Variants in SCUBE1 observed in about 807,000 individuals in gnomAD.
SCUBE1 encodes signal peptide, CUB domain and EGF like domain containing 1.
A neutral mutation model predicts 124.4 loss-of-function variants in SCUBE1; 59 were observed. The ratio of observed to expected loss-of-function variants is 0.47; its 90% CI spans 0.38 to 0.59. SCUBE1 has a LOEUF of 0.59. SCUBE1 is among the 20% of genes least tolerant of loss of function. SCUBE1 has a pLI of 0.00. For synonymous variants in SCUBE1, 545 were observed against 550.9 expected, an observed-to-expected ratio of 0.99 and a Z score of 0.15; for missense variants, 1,150 against 1,371.2, an observed-to-expected ratio of 0.84 and a Z score of 2.55.
intron 2 of SCUBE1, among the ~76,000 whole-genome samples, chr22:43,325,902 C>T (rs747501305): frequency 6.0e-5 from 9 of 151,246 alleles, no homozygotes; most frequent in Admixed American, 2.0e-4. Context: ...GTGCCAGCAA[C>T]GCAGGTTTGG....
At chr22:43,268,102 G>A (rs1411544181) in intron 4 of SCUBE1, among the ~76,000 whole-genome samples, 1 of 152,222 alleles carries the variant, frequency 6.6e-6, no homozygotes, top group Non-Finnish European at 1.5e-5. Context: ...AGTGGCAGCT[G>A]CAGGCTGTGT....
chr22:43,274,678 G>A (rs1373328894), intron 4 of SCUBE1, among the ~76,000 whole-genome samples: 2 of 152,336 alleles, frequency 1.3e-5, no homozygotes, highest in East Asian at 1.9e-4. Context: ...GTGGACACAC[G>A]AACAGGAGGA....
chr22:43,325,932 G>GTT (rs771336542), intron 2 of SCUBE1, among the ~76,000 whole-genome samples: 2 of 136,454 alleles, frequency 1.5e-5, no homozygotes, highest in South Asian at 2.4e-4. Flanking sequence ...AGGGTGAGGT[G>GTT]TTTTTTTTTT....
rs990335878 is a variant in SCUBE1, at chr22:43,325,932, G to T, written c.221-5867C>A. On this transcript the variant is annotated intron_variant, in intron 2 of 21. Transcript: ENST00000360835. ...GTTTGGAACCCATATAGGGTGAGGT[G>T]TTTTTTTTTTTTTTAATCATTTAAT... Among the ~76,000 whole-genome samples, 340 of 136,460 alleles carry T rather than the reference G, an allele frequency of 2.5e-3. 1 individual carries two copies. The highest frequency in any genetic ancestry group is 8.6e-3 in the African/African-American group (320 of 37,376). 89.5% of individuals were successfully genotyped at this position (136,460 alleles called of 152,430 possible). A position where few individuals can be genotyped will look rare whatever the true frequency, so the allele number is the denominator to read the frequency against.
chr22:43,305,244 G>A (rs1477636976), intron 3 of SCUBE1, among the ~76,000 whole-genome samples: 3 of 152,208 alleles, frequency 2.0e-5, no homozygotes, highest in Non-Finnish European at 4.4e-5. Flanking sequence ...ACATGAAAAC[G>A]CTTGCTCTAT....
At chr22:43,244,744 G>C (rs1000515333) in intron 6 of SCUBE1, among the ~76,000 whole-genome samples, 1 of 152,244 alleles carries the variant, frequency 6.6e-6, no homozygotes, top group Non-Finnish European at 1.5e-5. Flanking sequence ...CCTGAACATC[G>C]CTGAGGTGCT....
Position 43,227,504 on chromosome 22 carries a change from C to G in SCUBE1, c.1085-8G>C. 6.2e-7 allele frequency: 1 copy of G among 1,610,916 alleles called. No individual in the cohort carries two copies. Among genetic ancestry groups the G allele is most frequent in the Non-Finnish European group, 8.5e-7 (1 of 1,179,446 alleles). Reference sequence around the variant, plus strand: ...TGCTGCACTCGTCCACATCTGGAAGCACAGCGGGCGTAAGGGCAGAGGGGA... The same window carrying G: ...TGCTGCACTCGTCCACATCTGGAAGGACAGCGGGCGTAAGGGCAGAGGGGA... On this transcript the variant is annotated splice_polypyrimidine_tract_variant and splice_region_variant and intron_variant, in intron 9 of 21. Transcript: ENST00000360835.
Position 43,255,700 on chromosome 22 carries a change from C to T in SCUBE1, c.727+2519G>A, listed in dbSNP as rs1031709173. On this transcript the variant is annotated intron_variant, in intron 6 of 21. Coordinates refer to ENST00000360835, the MANE Select transcript of SCUBE1 (RefSeq NM_173050.5). The surrounding 1 kb of genome is among the most constrained non-coding windows in gnomAD (Gnocchi z 4.7). The stretch of plus-strand genomic sequence containing the variant: ...AGCCAACACAACACGCCGGCCAGCT[C>T]GGCATCCTCGCCAAGGGGCTAATCC... 3.5e-5 allele frequency: 28 copies of T among 804,412 alleles called. No homozygotes were observed. Among genetic ancestry groups the T allele is most frequent in the African/African-American group, 6.8e-5 (4 of 58,950 alleles). The allele number at this position is 804,412 out of a possible 1,614,324, so 49.8% of individuals were successfully genotyped here. A position where few individuals can be genotyped will look rare whatever the true frequency, so the allele number is the denominator to read the frequency against.
At chr22:43,266,144 G>A (rs1357850011) in intron 4 of SCUBE1, among the ~76,000 whole-genome samples, 2 of 152,128 alleles carry the variant, frequency 1.3e-5, no homozygotes, top group African/African-American at 2.4e-5. Flanking sequence ...TCATATATTT[G>A]TATTAAAAGC....
At chr22:43,296,601 A>G (rs1174695909) in intron 3 of SCUBE1, among the ~76,000 whole-genome samples, 1 of 152,194 alleles carries the variant, frequency 6.6e-6, no homozygotes, top group East Asian at 1.9e-4. Flanking sequence ...CGGGGGAGGT[A>G]GAGTGGAGAG....
At chr22:43,218,117 TTCTCCCCGGCAGGC>T in intron 15 of SCUBE1, 124 bp downstream of exon 15, 1 of 777,838 alleles carries the variant, frequency 1.3e-6, no homozygotes, top group South Asian at 1.6e-5. Flanking sequence ...GCTGCAGTCC[TTCTCCCCGGCAGGC>T]CTCTGCATCT....
At chr22:43,269,902 G>T (rs1924226979) in intron 4 of SCUBE1, among the ~76,000 whole-genome samples, 1 of 152,178 alleles carries the variant, frequency 6.6e-6, no homozygotes, top group Admixed American at 6.5e-5. Flanking sequence ...TGGGAGAGAT[G>T]ATGATGACAA....
chr22:43,258,173 G>C lies in SCUBE1; in HGVS notation c.727+46C>G, dbSNP rs1381727358. On this transcript the variant is annotated intron_variant, in intron 6 of 21. Transcript: ENST00000360835. The surrounding 1 kb of genome is among the most constrained non-coding windows in gnomAD (Gnocchi z 5.0). ...CTGCTGGTGCACGCATGGGGGGTCG[G>C]GGGCGGGGGGCGCAAGGGTGGTGTG... The C allele has an allele frequency of 7.6e-7, 1 of 1,316,366 alleles. No homozygotes were observed. Among genetic ancestry groups the C allele is most frequent in the Non-Finnish European group, 1.1e-6 (1 of 917,762 alleles). The allele number at this position is 1,316,366 out of a possible 1,614,324, so 81.5% of individuals were successfully genotyped here. A position where few individuals can be genotyped will look rare whatever the true frequency, so the allele number is the denominator to read the frequency against.
At chr22:43,312,450 C>G (rs1406114362) in intron 3 of SCUBE1, among the ~76,000 whole-genome samples, 3 of 152,108 alleles carry the variant, frequency 2.0e-5, no homozygotes, top group African/African-American at 7.2e-5. Context: ...GGAAGGCTGG[C>G]CCAGTGGGCA....
At chr22:43,329,692 G>C (rs1445376317) in intron 2 of SCUBE1, among the ~76,000 whole-genome samples, 1 of 152,218 alleles carries the variant, frequency 6.6e-6, no homozygotes, top group Non-Finnish European at 1.5e-5. Context: ...TTTCTAGCCA[G>C]AGGCTGCAGC....
Position 43,322,079 on chromosome 22 carries a change from G to A in SCUBE1, c.221-2014C>T, listed in dbSNP as rs1056563676. Among the ~76,000 whole-genome samples, 16 of 152,204 alleles carry A rather than the reference G, an allele frequency of 1.1e-4. No individual in the cohort carries two copies. The East Asian group carries it at 1.2e-3, about 11-fold the overall frequency. On this transcript the variant is annotated intron_variant, in intron 2 of 21. Coordinates refer to ENST00000360835, the MANE Select transcript of SCUBE1 (RefSeq NM_173050.5). Reference sequence around the variant, plus strand: ...AGCTCACTGCAACCTCCACCTCCTGGGTTCAAGCGATTCGCCTGCCTCAGC... The same window carrying A: ...AGCTCACTGCAACCTCCACCTCCTGAGTTCAAGCGATTCGCCTGCCTCAGC...
chr22:43,257,057 T>C (rs910605589), intron 6 of SCUBE1, among the ~76,000 whole-genome samples: 1 of 152,212 alleles, frequency 6.6e-6, no homozygotes, highest in Non-Finnish European at 1.5e-5. Context: ...AATGGTTGTC[T>C]GAAAGAAGAG....
chr22:43,227,637 C>T, intron 9 of SCUBE1, 141 bp from the exon 10 acceptor site: 1 of 995,510 alleles, frequency 1.0e-6, no homozygotes, highest in Non-Finnish European at 1.5e-6. Flanking sequence ...ATGAGCAGTG[C>T]ACACGCCACA....
intron 15 of SCUBE1, among the ~76,000 whole-genome samples, chr22:43,215,176 T>C (rs1921754894): frequency 6.6e-6 from 1 of 151,920 alleles, no homozygotes; most frequent in African/African-American, 2.4e-5. Context: ...GGATGGAGAG[T>C]GTCAGTTGGA....
Sources: allele counts gnomAD v4.1 joint callset (sites outside exome capture counted in the v4.1 genomes callset), GRCh38; gene constraint gnomAD v4.1.1; non-coding constraint Gnocchi (gnomAD v3.1); transcripts MANE v1.5; gene names NCBI Gene and HGNC (gene_info 2026-07-23, HGNC 2026-07-21).